The following EBF1 variants were observed in gnomAD, a reference collection of about 807,000 sequenced individuals.
EBF1 encodes EBF transcription factor 1, also known as transcription factor COE1.
In EBF1, 10 loss-of-function variants were observed where a neutral mutation model predicts 68.4. That is an observed-to-expected ratio of 0.15 (90% confidence interval 0.09 to 0.25). The LOEUF is 0.25. Among genes scored for constraint, EBF1 ranks in the 10% least tolerant of loss-of-function variants. The pLI is 1.00. For missense variants in EBF1, 509 were observed against 794.4 expected (o/e 0.64, Z 4.32); for synonymous variants, 298 against 299.8 (o/e 0.99, Z 0.06).
chr5:159,086,433 G>C (rs1487798477), intron 4 of EBF1, among the ~76,000 whole-genome samples: 3 of 152,142 alleles, frequency 2.0e-5, no homozygotes, highest in Non-Finnish European at 4.4e-5. Context: ...ATCCAATGCT[G>C]CATCCAGTTA....
At chr5:159,012,229 G>T (rs943234748) in intron 6 of EBF1, among the ~76,000 whole-genome samples, 1 of 151,812 alleles carries the variant, frequency 6.6e-6, no homozygotes, top group African/African-American at 2.4e-5. Context: ...GGAGATTGCA[G>T]TGAGCTGAGA....
At chr5:158,921,775 G>T (rs889212560) in intron 6 of EBF1, among the ~76,000 whole-genome samples, 1 of 152,160 alleles carries the variant, frequency 6.6e-6, no homozygotes, top group Non-Finnish European at 1.5e-5. Flanking sequence ...CTTCAACACC[G>T]CAAGCCCAAT....
intron 6 of EBF1, among the ~76,000 whole-genome samples, chr5:158,907,075 G>T (rs557207519): frequency 7.0e-4 from 106 of 152,348 alleles, no homozygotes; most frequent in African/African-American, 2.5e-3. Context: ...CTAAAACCAG[G>T]AAAGTCCCCA....
chr5:158,729,055 G>A (rs1301068810), intron 11 of EBF1, among the ~76,000 whole-genome samples: 1 of 152,214 alleles, frequency 6.6e-6, no homozygotes, highest in Non-Finnish European at 1.5e-5. Flanking sequence ...CTGCTCTGCA[G>A]AGATTGGGTG....
intron 9 of EBF1, among the ~76,000 whole-genome samples, chr5:158,781,474 G>A (rs1776439897): frequency 1.3e-5 from 2 of 151,986 alleles, no homozygotes; most frequent in Admixed American, 1.3e-4. Flanking sequence ...CTTTGGCTAA[G>A]CATCAAATTT....
intron 10 of EBF1, among the ~76,000 whole-genome samples, chr5:158,751,925 T>C (rs574744116): frequency 2.4e-3 from 363 of 152,032 alleles, no homozygotes; most frequent in African/African-American, 8.1e-3. Context: ...ATTGTAGTGG[T>C]TTTAGATGGT....
At chr5:159,084,255 A>G (rs750730820) in intron 5 of EBF1, among the ~76,000 whole-genome samples, 1 of 152,172 alleles carries the variant, frequency 6.6e-6, no homozygotes, top group African/African-American at 2.4e-5. Flanking sequence ...AGAAAGGGGA[A>G]CTATAACTTT....
chr5:158,722,514 G>A (rs1762133414), intron 11 of EBF1, among the ~76,000 whole-genome samples: 2 of 152,160 alleles, frequency 1.3e-5, no homozygotes, highest in Non-Finnish European at 2.9e-5. Context: ...GTATACAAAT[G>A]CACGTGCATA....
At chr5:159,003,806 G>T (rs1763026548) in intron 6 of EBF1, among the ~76,000 whole-genome samples, 1 of 152,208 alleles carries the variant, frequency 6.6e-6, no homozygotes, top group African/African-American at 2.4e-5. Flanking sequence ...CCGTTCTAAA[G>T]ATGAGGAAGA....
intron 6 of EBF1, among the ~76,000 whole-genome samples, chr5:158,908,902 T>C (rs1254349208): frequency 6.6e-6 from 1 of 152,152 alleles, no homozygotes; most frequent in East Asian, 1.9e-4. Context: ...CCAGCCGGGC[T>C]GTGGTCAAGC....
intron 6 of EBF1, among the ~76,000 whole-genome samples, chr5:159,024,859 T>C (rs1362170557): frequency 6.6e-6 from 1 of 152,170 alleles, no homozygotes; most frequent in Non-Finnish European, 1.5e-5. Flanking sequence ...GGTCCACAAG[T>C]CAGCTGGAAT....
At chr5:158,756,721 A>G (rs1296157775) in intron 10 of EBF1, among the ~76,000 whole-genome samples, 1 of 151,800 alleles carries the variant, frequency 6.6e-6, no homozygotes, top group Non-Finnish European at 1.5e-5. Flanking sequence ...TAGATGAATG[A>G]ATGAAAGAAT....
At chr5:158,882,895 AATTT>A (rs1005372885) in intron 6 of EBF1, among the ~76,000 whole-genome samples, 2 of 152,132 alleles carry the variant, frequency 1.3e-5, no homozygotes, top group African/African-American at 2.4e-5. Context: ...CTGTGTTAGG[AATTT>A]ATTTATCTGT....
chr5:159,070,166 A>C (rs1193433394), intron 6 of EBF1, among the ~76,000 whole-genome samples: 1 of 152,184 alleles, frequency 6.6e-6, no homozygotes, highest in Non-Finnish European at 1.5e-5. Flanking sequence ...ATGCAGCTCA[A>C]ATATCTGGAT....
intron 6 of EBF1, among the ~76,000 whole-genome samples, chr5:158,947,992 A>T (rs140466924): frequency 6.6e-6 from 1 of 152,242 alleles, no homozygotes; most frequent in South Asian, 2.1e-4. Context: ...ATTTCAGCAT[A>T]TACTGAAGAA....
rs1296419606 is a variant in EBF1, at chr5:158,797,511, C to A, written c.779-1036G>T. Among the ~76,000 whole-genome samples, 3 of 152,112 alleles carry A rather than the reference C, an allele frequency of 2.0e-5. No individual in the cohort carries two copies. In the East Asian group the frequency reaches 5.8e-4, roughly 29 times the overall value. On this transcript the variant is annotated intron_variant, in intron 8 of 15. Transcript: ENST00000313708. ...CTTTAATAAAAAGTTTATTAAGTAT[C>A]CAAGACTGACTTTCTGAGCATTGAA...
Position 158,780,943 on chromosome 5 carries a change from TTTGAC to T in EBF1, c.910-3409_910-3405del. The stretch of plus-strand genomic sequence containing the variant: ...AAGTGATTAGAGAACAGATTCATTC[TTTGAC>T]TTAACTTCCTTAAATTACAAGCCAA... On this transcript the variant is annotated intron_variant, in intron 9 of 15. Transcript: ENST00000313708. Among the ~76,000 whole-genome samples, 9 of 152,338 alleles carry T rather than the reference TTTGAC, an allele frequency of 5.9e-5. 3 individuals carry two copies. The highest frequency in any genetic ancestry group is 5.9e-4 in the Admixed American group (9 of 15,294).
At chr5:158,755,936 T>C (rs925518542) in intron 10 of EBF1, among the ~76,000 whole-genome samples, 1 of 152,130 alleles carries the variant, frequency 6.6e-6, no homozygotes. Context: ...GTTTTCCTAT[T>C]GAAAAAAAGA....
chr5:158,780,427 T>C (rs1034889540), intron 9 of EBF1, among the ~76,000 whole-genome samples: 2 of 152,190 alleles, frequency 1.3e-5, no homozygotes, highest in African/African-American at 4.8e-5. Context: ...CTTTCATCAT[T>C]GGAATATCAC....
Sources: allele counts gnomAD v4.1 joint callset (sites outside exome capture counted in the v4.1 genomes callset), GRCh38; gene constraint gnomAD v4.1.1; transcripts MANE v1.5; gene names NCBI Gene and HGNC (gene_info 2026-07-23, HGNC 2026-07-21).